The following KIAA1549L variants were observed in gnomAD, a reference collection of about 807,000 sequenced individuals.
The protein encoded by KIAA1549L is KIAA1549 like, also known as UPF0606 protein KIAA1549L.
A neutral mutation model predicts 160.7 loss-of-function variants in KIAA1549L; 88 were observed. That is an observed-to-expected ratio of 0.55 (90% CI 0.46 to 0.65). KIAA1549L has a LOEUF of 0.65. Ranked by LOEUF, KIAA1549L falls within the 30% of genes least tolerant of loss-of-function variation. The pLI, the probability that KIAA1549L is intolerant of heterozygous loss-of-function variation, is 0.00. For synonymous variants in KIAA1549L, 950 were observed against 976.7 expected (o/e 0.97, Z 0.51); for missense variants, 2,258 against 2,437.5 (o/e 0.93, Z 1.55).
chr11:33,532,893 G>C (rs2133153642), intron 1 of KIAA1549L, among the ~76,000 whole-genome samples: 1 of 152,302 alleles, frequency 6.6e-6, no homozygotes, highest in Admixed American at 6.5e-5. Context: ...TTCTCCCTCA[G>C]TGTTTCCAGC....
In KIAA1549L at chr11:33,544,721, G is replaced by A. The variant is rs369538070; in HGVS notation, c.2774-46G>A. ...CATTCATCATCAGAACAAGTGACAC[G>A]TGCATTCCAAGCCAATGACAAACTT... On this transcript the variant is annotated intron_variant, in intron 2 of 20. Transcript: ENST00000658780. 1.2e-5 allele frequency: 18 copies of A among 1,543,506 alleles called. No homozygotes were observed. The Admixed American group carries it at 1.4e-4, about 12-fold the overall frequency.
chr11:33,617,789 GTGGA>G (rs200551250), intron 15 of KIAA1549L, among the ~76,000 whole-genome samples: 19,532 of 148,920 alleles, frequency 0.13, 2,632 homozygotes, highest in African/African-American at 0.34. Context: ...GGAAGCCTCG[GTGGA>G]TGGATGGATG....
chr11:33,542,578 T>C lies in KIAA1549L; in HGVS notation c.1015T>C (p.Ser339Pro), dbSNP rs371587246. Residue 339 changes from serine (S) to proline (P), a missense_variant, in exon 2 of 21, where the codon TCA (serine) becomes CCA (proline). This residue lies in a region of KIAA1549L where 540 missense variants were observed against 465.7 expected (regional missense o/e 1.16). Transcript: ENST00000658780. ...AACAGAGGGTCCCCATTCAGCAGGT[T>C]CATCCACACCTGGGTTTTTGAGCCC... ...SPTEGPHSAG[S>P]STPGFLSPMA... is the part of the protein sequence containing the mutation. 4.3e-5 allele frequency: 69 copies of C among 1,613,278 alleles called. No homozygotes were observed. In the African/African-American group the frequency reaches 6.0e-4, roughly 14 times the overall value.
chr11:33,491,516 A>G (rs1852663300), intron 1 of KIAA1549L, among the ~76,000 whole-genome samples: 1 of 152,198 alleles, frequency 6.6e-6, no homozygotes, highest in Non-Finnish European at 1.5e-5. Context: ...ATCAGCCAAG[A>G]GTGTCTAGTT....
chr11:33,427,450 T>C (rs1455201056), intron 1 of KIAA1549L, among the ~76,000 whole-genome samples: 1 of 152,164 alleles, frequency 6.6e-6, no homozygotes, highest in Non-Finnish European at 1.5e-5. Context: ...TGCTGATTTG[T>C]CTTCCATTTC....
At chr11:33,567,715 GATC>G (rs1855096789) in intron 8 of KIAA1549L, among the ~76,000 whole-genome samples, 1 of 152,198 alleles carries the variant, frequency 6.6e-6, no homozygotes, top group South Asian at 2.1e-4. Context: ...TAGCAACACA[GATC>G]ATCATCTTAG....
rs762178106 is a variant in KIAA1549L, at chr11:33,545,156, C to T, written c.3163C>T (p.Pro1055Ser). ...AGCCATGCACACCGGCCTCCCAAAC[C>T]CCACCAACCTGGAGATGCCCAGAGC... ...PQAMHTGLPN[P>S]TNLEMPRAST... The change falls in exon 3 of 21, where the codon CCC becomes TCC. Residue 1055 changes from proline to serine, a missense_variant. This residue lies in a region of KIAA1549L where 1,359 missense variants were observed against 1,546.6 expected (regional missense o/e 0.88). Coordinates refer to ENST00000658780, the MANE Select transcript of KIAA1549L (RefSeq NM_012194.3). 2 of 1,614,034 alleles carry T rather than the reference C, an allele frequency of 1.2e-6. No individual in the cohort carries two copies. The highest frequency in any genetic ancestry group is 1.3e-5 in the African/African-American group (1 of 75,044).
rs1852560364 is a variant in KIAA1549L at position 33,668,418 on chromosome 11, G to C, written c.*264G>C. 3 of 509,344 alleles carry C rather than the reference G, an allele frequency of 5.9e-6. No individual in the cohort carries two copies. In the East Asian group the frequency reaches 9.8e-5, roughly 17 times the overall value. The allele number at this position is 509,344 out of a possible 1,614,324, so 31.6% of individuals were successfully genotyped here. On this transcript the variant is annotated 3_prime_UTR_variant, in exon 21 of 21. Coordinates refer to ENST00000658780, the MANE Select transcript of KIAA1549L (RefSeq NM_012194.3). The stretch of plus-strand genomic sequence containing the variant: ...CTCATGTCAAATGTTTGAACTTTGG[G>C]CATGTGCCCTATGGAAGCTTAGTCA...
chr11:33,623,828 C>A (rs776311819), intron 16 of KIAA1549L, among the ~76,000 whole-genome samples: 1 of 152,160 alleles, frequency 6.6e-6, no homozygotes, highest in African/African-American at 2.4e-5. Flanking sequence ...TAGGCAACTT[C>A]CCACTGGGCA....
chr11:33,616,374 A>G (rs1264135919), intron 15 of KIAA1549L, among the ~76,000 whole-genome samples: 1 of 152,126 alleles, frequency 6.6e-6, no homozygotes, highest in Non-Finnish European at 1.5e-5. Flanking sequence ...ACTCAGTCCC[A>G]CCAGAACAAC....
At chr11:33,379,039 G>T (rs1300795285) in intron 1 of KIAA1549L, among the ~76,000 whole-genome samples, 1 of 152,144 alleles carries the variant, frequency 6.6e-6, no homozygotes, top group African/African-American at 2.4e-5. Flanking sequence ...GCTGCGGTTT[G>T]GTGTTGCCAC....
intron 1 of KIAA1549L, among the ~76,000 whole-genome samples, chr11:33,537,228 A>G (rs1853914824): frequency 6.6e-6 from 1 of 152,082 alleles, no homozygotes; most frequent in Non-Finnish European, 1.5e-5. Context: ...CTTGATAGTC[A>G]CTTCCTCAGG....
At chr11:33,616,218 C>T (rs1318216545) in intron 15 of KIAA1549L, among the ~76,000 whole-genome samples, 2 of 152,186 alleles carry the variant, frequency 1.3e-5, no homozygotes, top group Admixed American at 1.3e-4. Context: ...TCTCTTTTCA[C>T]TCTCTGCTGC....
At chr11:33,437,284 T>C (rs1851400630) in intron 1 of KIAA1549L, among the ~76,000 whole-genome samples, 1 of 152,114 alleles carries the variant, frequency 6.6e-6, no homozygotes, top group Non-Finnish European at 1.5e-5. Flanking sequence ...CTTTCGTGGT[T>C]GTGAATGGAA....
chr11:33,574,626 A>T, intron 9 of KIAA1549L, 76 bp from the exon 10 acceptor site: 1 of 1,387,360 alleles, frequency 7.2e-7, no homozygotes, highest in African/African-American at 1.4e-5. Context: ...GGAGAGGAAC[A>T]TCTGCTGATC....
At chr11:33,606,171 C>G (rs548241451) in intron 13 of KIAA1549L, among the ~76,000 whole-genome samples, 2 of 151,878 alleles carry the variant, frequency 1.3e-5, no homozygotes, top group African/African-American at 4.8e-5. Context: ...GGCTTGTTGA[C>G]CAAGAAAGAC....
At position 33,542,202 on chromosome 11, in the gene KIAA1549L, C is replaced by T. The variant is rs1287034958; in HGVS notation, c.639C>T (p.Ser213=). 4 of 652,510 alleles carry T rather than the reference C, an allele frequency of 6.1e-6. No individual in the cohort carries two copies. The highest frequency in any genetic ancestry group is 2.4e-4 in the Middle Eastern group (1 of 4,142). 40.4% of individuals were successfully genotyped at this position (652,510 alleles called of 1,614,324 possible). ...PSLSTVPSGT[S]FSAVPPSQPV... is the part of the protein sequence containing the mutation. Reference sequence around the variant, plus strand: ...TGTCCACAGTCCCATCAGGGACATCCTTCAGTGCTGTCCCCCCATCCCAGC... The same window carrying T: ...TGTCCACAGTCCCATCAGGGACATCTTTCAGTGCTGTCCCCCCATCCCAGC... The change falls in exon 2 of 21, where the codon TCC becomes TCT. Residue 213 remains serine, a synonymous_variant. Coordinates refer to ENST00000658780, the MANE Select transcript of KIAA1549L (RefSeq NM_012194.3).
intron 16 of KIAA1549L, among the ~76,000 whole-genome samples, chr11:33,639,864 G>A (rs986332827): frequency 3.3e-5 from 5 of 152,028 alleles, no homozygotes; most frequent in African/African-American, 4.8e-5. Flanking sequence ...CTAAACACAA[G>A]GATACTTACT....
chr11:33,537,345 G>T (rs1041918925), intron 1 of KIAA1549L, among the ~76,000 whole-genome samples: 1 of 152,162 alleles, frequency 6.6e-6, no homozygotes, highest in Admixed American at 6.5e-5. Flanking sequence ...CCATAGAACT[G>T]TGAGTTCCAT....
Sources: gnomAD v4.1 joint callset for allele counts (sites outside exome capture counted in the v4.1 genomes callset) on GRCh38, gnomAD v4.1.1 for gene constraint, gnomAD v4.1.1 regional missense constraint, MANE v1.5 for transcripts, NCBI Gene and HGNC (gene_info 2026-07-23, HGNC 2026-07-21) for gene names.